The following RASGRP1 variants were observed in gnomAD, a reference collection of about 807,000 sequenced individuals.
RASGRP1 encodes RAS guanyl releasing protein 1.
RASGRP1 carries 37 observed loss-of-function variants against 95.1 expected under a neutral mutation model. The observed-to-expected ratio is 0.39, with a 90% confidence interval of 0.30 to 0.51. The LOEUF (loss-of-function observed/expected upper bound fraction) is 0.51. Among genes scored for constraint, RASGRP1 ranks in the 20% least tolerant of loss-of-function variants. The pLI is 0.80. For synonymous variants in RASGRP1, 325 were observed against 353.4 expected, an observed-to-expected ratio of 0.92 and a Z score of 0.90; for missense variants, 711 against 965.4, an observed-to-expected ratio of 0.74 and a Z score of 3.49.
chr15:38,538,406 C>A (rs1051999527), intron 2 of RASGRP1, among the ~76,000 whole-genome samples: 6 of 152,094 alleles, frequency 3.9e-5, no homozygotes, highest in African/African-American at 1.4e-4. Context: ...ATGGGGGAGA[C>A]CAGGAGAAAT....
chr15:38,509,556 G>T (rs564602468), intron 8 of RASGRP1, among the ~76,000 whole-genome samples: 1 of 152,008 alleles, frequency 6.6e-6, no homozygotes, highest in African/African-American at 2.4e-5. Flanking sequence ...GTGAAACCCC[G>T]TCTCTACTAA....
chr15:38,503,567 C>A (rs1037386777), intron 10 of RASGRP1, 191 bp from the exon 11 acceptor site: 8 of 596,926 alleles, frequency 1.3e-5, no homozygotes, highest in East Asian at 2.8e-5. Flanking sequence ...ATTGTGCTTA[C>A]GGTTTCCAGA....
intron 1 of RASGRP1, among the ~76,000 whole-genome samples, chr15:38,562,919 A>G (rs1893871561): frequency 6.6e-6 from 1 of 152,222 alleles, no homozygotes; most frequent in Non-Finnish European, 1.5e-5. Flanking sequence ...ACTAGAAGGG[A>G]TCAGGGTAAA....
rs1200982458 is a variant in RASGRP1, at chr15:38,505,865, C to T, written c.1298G>A (p.Arg433Gln). Reference sequence around the variant, plus strand: ...TGGAGCTCTGTGGTTCCTTGGTTCCCGGGCATAGGAAAGCTCATAGATTTC... The same window carrying T: ...TGGAGCTCTGTGGTTCCTTGGTTCCTGGGCATAGGAAAGCTCATAGATTTC... ...EDEIYELSYA[R>Q]EPRNHRAPPL... The change falls in exon 10 of 17, where the codon CGG becomes CAG. Residue 433 changes from arginine to glutamine, a missense_variant. Arg to Gln is a conservative substitution (Grantham distance 43). Transcript: ENST00000310803. 2.5e-6 allele frequency: 4 copies of T among 1,611,664 alleles called. No homozygotes were observed. Among genetic ancestry groups the T allele is most frequent in the Non-Finnish European group, 3.4e-6 (4 of 1,178,534 alleles).
chr15:38,490,976 G>A (rs1354657716), intron 16 of RASGRP1, among the ~76,000 whole-genome samples: 1 of 152,138 alleles, frequency 6.6e-6, no homozygotes, highest in African/African-American at 2.4e-5. Context: ...ACTTTTGGAT[G>A]TTTTCTCGCG....
chr15:38,542,366 C>A (rs1472131562), intron 2 of RASGRP1, among the ~76,000 whole-genome samples: 1 of 152,034 alleles, frequency 6.6e-6, no homozygotes, highest in Non-Finnish European at 1.5e-5. Context: ...CAAAAAACCA[C>A]CAACGGAACT....
intron 2 of RASGRP1, among the ~76,000 whole-genome samples, chr15:38,529,791 T>C (rs1232697454): frequency 2.0e-5 from 3 of 152,206 alleles, no homozygotes; most frequent in Admixed American, 6.5e-5. Flanking sequence ...TTCACAGATA[T>C]TTAGAAATTG....
intron 16 of RASGRP1, among the ~76,000 whole-genome samples, chr15:38,491,514 A>ATATC (rs1162645274): frequency 2.0e-5 from 3 of 152,208 alleles, no homozygotes; most frequent in Non-Finnish European, 4.4e-5. Context: ...GAGCCTTGGT[A>ATATC]TATCTAAACA....
chr15:38,533,061 C>T (rs1892509217), intron 2 of RASGRP1, among the ~76,000 whole-genome samples: 1 of 152,156 alleles, frequency 6.6e-6, no homozygotes, highest in Non-Finnish European at 1.5e-5. Context: ...GCAGCAACTC[C>T]GGAACAGTCA....
intron 2 of RASGRP1, among the ~76,000 whole-genome samples, chr15:38,535,226 A>G (rs1269540773): frequency 1.3e-5 from 2 of 152,130 alleles, no homozygotes; most frequent in Non-Finnish European, 2.9e-5. Flanking sequence ...TCCCAGCCCA[A>G]GGCTCTTTCT....
chr15:38,503,146 G>T, intron 11 of RASGRP1, 126 bp downstream of exon 11: 1 of 717,364 alleles, frequency 1.4e-6, no homozygotes, highest in Non-Finnish European at 2.4e-6. Flanking sequence ...CACAGTAAGA[G>T]AAGTAAGTGG....
chr15:38,498,862 G>A lies in RASGRP1; in HGVS notation c.1805C>T (p.Thr602Ile). 1 of 1,613,972 alleles carries A rather than the reference G, an allele frequency of 6.2e-7. No homozygotes were observed. The highest frequency in any genetic ancestry group is 1.7e-5 in the Admixed American group (1 of 60,030). ...KKRAKNPVAP[T>I]ENNTSVGPVS... ...TGGCCCCACAGAAGTGTTGTTCTCT[G>A]TGGGAGCTACTGGGTTCTTGGCTCG... The change falls in exon 15 of 17, where the codon ACA becomes ATA. Residue 602 changes from threonine (T) to isoleucine (I), a missense_variant. Physicochemically the swap from Thr to Ile is moderately conservative, Grantham distance 89. Coordinates refer to ENST00000310803, the MANE Select transcript of RASGRP1 (RefSeq NM_005739.4).
intron 5 of RASGRP1, among the ~76,000 whole-genome samples, chr15:38,517,363 GAAGA>G (rs1403556386): frequency 2.6e-5 from 4 of 152,188 alleles, no homozygotes; most frequent in African/African-American, 9.7e-5. Context: ...TCTTTAAAAT[GAAGA>G]AACTATTACT....
chr15:38,550,693 A>G (rs762653119), intron 2 of RASGRP1, among the ~76,000 whole-genome samples: 21 of 152,190 alleles, frequency 1.4e-4, no homozygotes, highest in Non-Finnish European at 2.9e-4. Context: ...GATATAAATT[A>G]TGGGAAGCAA....
chr15:38,505,763 T>C (rs1007568528), intron 10 of RASGRP1, 77 bp downstream of exon 10: 1 of 1,161,926 alleles, frequency 8.6e-7, no homozygotes, highest in Admixed American at 1.9e-5. Context: ...TGAAAGTCTG[T>C]TCCTGAGGAT....
chr15:38,531,189 A>G (rs1892420943), intron 2 of RASGRP1, among the ~76,000 whole-genome samples: 1 of 152,260 alleles, frequency 6.6e-6, no homozygotes, highest in African/African-American at 2.4e-5. Flanking sequence ...ACAGCTGAGG[A>G]AATCAAAGCA....
intron 3 of RASGRP1, chr15:38,524,383 A>T (rs998865378): frequency 6.6e-6 from 1 of 152,274 alleles, no homozygotes; most frequent in Non-Finnish European, 1.5e-5. Flanking sequence ...ACATTACACC[A>T]TATGTAAGCA....
chr15:38,498,303 A>G (rs967225558), intron 15 of RASGRP1, among the ~76,000 whole-genome samples: 2 of 152,120 alleles, frequency 1.3e-5, no homozygotes, highest in Non-Finnish European at 1.5e-5. Flanking sequence ...TTTAGCATCT[A>G]CTCCTTGCAG....
intron 3 of RASGRP1, among the ~76,000 whole-genome samples, chr15:38,521,520 C>A (rs1891999842): frequency 6.6e-6 from 1 of 152,142 alleles, no homozygotes; most frequent in East Asian, 1.9e-4. Flanking sequence ...TCCTTAGAGC[C>A]CCTATGCCAT....
Sources: gnomAD v4.1 joint callset for allele counts (sites outside exome capture counted in the v4.1 genomes callset) on GRCh38, gnomAD v4.1.1 for gene constraint, MANE v1.5 for transcripts, NCBI Gene and HGNC (gene_info 2026-07-23, HGNC 2026-07-21) for gene names.